Variants in EXOC6B observed in about 807,000 individuals in gnomAD.
EXOC6B encodes exocyst complex component 6B.
A neutral mutation model predicts 113.5 loss-of-function variants in EXOC6B; 54 were observed. The observed-to-expected ratio is 0.48, with a 90% CI of 0.38 to 0.60. EXOC6B has a LOEUF of 0.60. EXOC6B is among the 20% of genes least tolerant of loss of function. The pLI is 0.00. For missense variants in EXOC6B, 797 were observed against 977.5 expected, an observed-to-expected ratio of 0.82 and a Z score of 2.46; for synonymous variants, 357 against 339.0, an observed-to-expected ratio of 1.05 and a Z score of -0.58.
In EXOC6B at chr2:72,773,784, G is replaced by C. The variant is rs1683540991; in HGVS notation, c.114-32315C>G. On this transcript the variant is annotated intron_variant, in intron 1 of 21. Transcript: ENST00000272427. ...AAGACATCTGGATTCTGTAGCCTCT[G>C]CATTCAACCTATGGCAATGCGCAGT... Among the ~76,000 whole-genome samples the C allele has an allele frequency of 3.9e-5, 6 of 152,260 alleles. No homozygotes were observed. In the South Asian group the frequency reaches 1.2e-3, roughly 32 times the overall value.
chr2:72,678,320 C>T (rs1472592377), intron 6 of EXOC6B, among the ~76,000 whole-genome samples: 2 of 152,170 alleles, frequency 1.3e-5, no homozygotes, highest in Non-Finnish European at 2.9e-5. Flanking sequence ...CCTATAAATA[C>T]TGCTGCCACT....
chr2:72,253,003 T>C (rs1198266189), intron 20 of EXOC6B, among the ~76,000 whole-genome samples: 1 of 152,144 alleles, frequency 6.6e-6, no homozygotes, highest in African/African-American at 2.4e-5. Context: ...GAACTTGAAT[T>C]TATAAGCAAA....
At chr2:72,398,093 G>C (rs1692868703) in intron 18 of EXOC6B, among the ~76,000 whole-genome samples, 1 of 152,190 alleles carries the variant, frequency 6.6e-6, no homozygotes, top group Admixed American at 6.5e-5. Flanking sequence ...ATTAACATTT[G>C]AATCAGTAGA....
intron 16 of EXOC6B, among the ~76,000 whole-genome samples, chr2:72,489,207 C>T (rs1010186171): frequency 3.9e-5 from 6 of 152,154 alleles, no homozygotes; most frequent in Non-Finnish European, 7.4e-5. Context: ...CTACCTTTAA[C>T]CATACTACAA....
At chr2:72,799,824 G>A (rs1332974489) in intron 1 of EXOC6B, among the ~76,000 whole-genome samples, 1 of 152,076 alleles carries the variant, frequency 6.6e-6, no homozygotes, top group Non-Finnish European at 1.5e-5. Flanking sequence ...CAGCACTTTG[G>A]GAGGCCAAGG....
At chr2:72,192,483 C>T (rs1049093241) in intron 20 of EXOC6B, among the ~76,000 whole-genome samples, 1 of 152,130 alleles carries the variant, frequency 6.6e-6, no homozygotes, top group Non-Finnish European at 1.5e-5. Context: ...ATTCAAGGTT[C>T]CAATGGAAGA....
chr2:72,597,291 T>A (rs988289713), intron 6 of EXOC6B, among the ~76,000 whole-genome samples: 3 of 151,686 alleles, frequency 2.0e-5, no homozygotes, highest in African/African-American at 7.2e-5. Context: ...AGCAATGTTA[T>A]AAGGAACTAG....
At chr2:72,374,912 C>A (rs1230472231) in intron 19 of EXOC6B, among the ~76,000 whole-genome samples, 1 of 150,958 alleles carries the variant, frequency 6.6e-6, no homozygotes, top group African/African-American at 2.4e-5. Flanking sequence ...AAAGCAAAAC[C>A]TGACTATAAG....
chr2:72,461,127 A>C (rs1697630778), intron 18 of EXOC6B, among the ~76,000 whole-genome samples: 1 of 148,488 alleles, frequency 6.7e-6, no homozygotes, highest in South Asian at 2.1e-4. Flanking sequence ...CAAACACCGC[A>C]TGTTCTCATT....
intron 20 of EXOC6B, among the ~76,000 whole-genome samples, chr2:72,252,431 C>T (rs1441906124): frequency 6.6e-6 from 1 of 152,022 alleles, no homozygotes; most frequent in African/African-American, 2.4e-5. Context: ...GAAAGTCATG[C>T]CATTGCACTC....
At chr2:72,286,524 G>A (rs1406289318) in intron 20 of EXOC6B, among the ~76,000 whole-genome samples, 1 of 152,078 alleles carries the variant, frequency 6.6e-6, no homozygotes, top group Admixed American at 6.6e-5. Context: ...GGAGTACAGA[G>A]GATTTTAGGG....
Position 72,644,227 on chromosome 2 carries a change from CAAG to C in EXOC6B, c.670-68562_670-68560del, listed in dbSNP as rs1558875031. 5.3e-5 allele frequency among the ~76,000 whole-genome samples: 8 copies of C among 152,036 alleles called. No individual in the cohort carries two copies. The South Asian group carries it at 1.7e-3, about 32-fold the overall frequency. Reference sequence around the variant, plus strand: ...TGAAGATCAAATTAATGAAATGAAGCAAGAAGATAAGTTTAGAGAAAAAACAGC... The same window carrying C: ...TGAAGATCAAATTAATGAAATGAAGCAAGATAAGTTTAGAGAAAAAACAGC... On this transcript the variant is annotated intron_variant, in intron 6 of 21. Transcript: ENST00000272427.
intron 20 of EXOC6B, among the ~76,000 whole-genome samples, chr2:72,313,223 C>T (rs952844784): frequency 2.0e-5 from 3 of 151,776 alleles, no homozygotes; most frequent in Non-Finnish European, 2.9e-5. Context: ...CGAAGGGTGG[C>T]GGGTGGGAGA....
At chr2:72,191,211 A>T (rs183151979) in intron 20 of EXOC6B, among the ~76,000 whole-genome samples, 1 of 152,324 alleles carries the variant, frequency 6.6e-6, no homozygotes, top group Admixed American at 6.5e-5. Flanking sequence ...GGCCACTATG[A>T]TAGGATACTT....
In EXOC6B at chr2:72,513,199, C is replaced by G; in HGVS notation, c.1100G>C (p.Arg367Thr). The G allele has an allele frequency of 1.9e-6, 3 of 1,613,264 alleles. No individual in the cohort carries two copies. The highest frequency in any genetic ancestry group is 2.5e-6 in the Non-Finnish European group (3 of 1,179,410). ...TTCCCACAGTTCATCAATGTAGGCT[C>G]TATTTACTAAGCCCTGGGTTGTATG... Reference protein sequence around the residue: ...ILHTTQGLVNRAYIDELWEMA... With the variant: ...ILHTTQGLVNTAYIDELWEMA... Residue 367 changes from arginine to threonine, a missense_variant, in exon 11 of 22, where the codon AGA becomes ACA. Transcript: ENST00000272427.
intron 18 of EXOC6B, 85 bp downstream of exon 18, chr2:72,465,075 C>T (rs1196944397): frequency 3.5e-6 from 4 of 1,156,164 alleles, no homozygotes; most frequent in Non-Finnish European, 5.0e-6. Context: ...TGGGTAGTTA[C>T]AGCAGAAACT....
At chr2:72,407,475 T>C (rs1312739005) in intron 18 of EXOC6B, among the ~76,000 whole-genome samples, 4 of 152,168 alleles carry the variant, frequency 2.6e-5, no homozygotes, top group African/African-American at 7.2e-5. Flanking sequence ...AATAAAATAC[T>C]GGCAAACTGA....
chr2:72,725,657 G>A lies in EXOC6B; in HGVS notation c.464+5350C>T, dbSNP rs181128473. Among the ~76,000 whole-genome samples, 7 of 152,310 alleles carry A rather than the reference G, an allele frequency of 4.6e-5. No individual in the cohort carries two copies. The East Asian group carries it at 1.4e-3, about 29-fold the overall frequency. ...TCTGCCCACCTCGGCCTCCCAAAGT[G>A]CTGGGATTACAGGCGTAAGCCACCA... On this transcript the variant is annotated intron_variant, in intron 5 of 21. Coordinates refer to ENST00000272427, the MANE Select transcript of EXOC6B (RefSeq NM_015189.3).
intron 20 of EXOC6B, among the ~76,000 whole-genome samples, chr2:72,278,325 T>C (rs972594362): frequency 6.6e-6 from 1 of 152,152 alleles, no homozygotes; most frequent in Non-Finnish European, 1.5e-5. Flanking sequence ...ATCTCAACTT[T>C]CCTTAATGAG....
Sources: gnomAD v4.1 joint callset for allele counts (sites outside exome capture counted in the v4.1 genomes callset) on GRCh38, gnomAD v4.1.1 for gene constraint, MANE v1.5 for transcripts, NCBI Gene and HGNC (gene_info 2026-07-23, HGNC 2026-07-21) for gene names.